The following DISC1 variants were observed in gnomAD, a reference collection of about 807,000 sequenced individuals.
DISC1 encodes the protein DISC1 scaffold protein.
A neutral mutation model predicts 84.5 loss-of-function variants in DISC1; 57 were observed. That is an observed-to-expected ratio of 0.67 (90% CI 0.55 to 0.84). The LOEUF (loss-of-function observed/expected upper bound fraction) is 0.84. DISC1 is among the 40% of genes least tolerant of loss of function. DISC1 has a pLI of 0.00. For missense variants in DISC1, 1,000 were observed against 1,057.8 expected, an observed-to-expected ratio of 0.95 and a Z score of 0.76; for synonymous variants, 411 against 415.2, an observed-to-expected ratio of 0.99 and a Z score of 0.12.
At chr1:231,656,495 G>A (rs774560689) in intron 1 of DISC1, among the ~76,000 whole-genome samples, 3 of 152,154 alleles carry the variant, frequency 2.0e-5, no homozygotes, top group Non-Finnish European at 4.4e-5. Context: ...TAGCCTTGCA[G>A]TATAATTTGG....
chr1:231,789,392 C>T (rs544651077), intron 6 of DISC1, among the ~76,000 whole-genome samples: 3 of 152,334 alleles, frequency 2.0e-5, no homozygotes, highest in Admixed American at 2.0e-4. Flanking sequence ...CATATAGGCC[C>T]TTGCAGACTT....
chr1:231,985,952 C>A (rs1664366313), intron 10 of DISC1, among the ~76,000 whole-genome samples: 1 of 152,148 alleles, frequency 6.6e-6, no homozygotes, highest in African/African-American at 2.4e-5. Flanking sequence ...AAATCTGGTG[C>A]CATCAGATCA....
intron 3 of DISC1, among the ~76,000 whole-genome samples, chr1:231,727,113 A>T (rs1396690810): frequency 1.3e-5 from 2 of 152,114 alleles, no homozygotes; most frequent in African/African-American, 2.4e-5. Context: ...TGTCTGCAAG[A>T]TGATAAAATG....
At chr1:231,783,841 A>G (rs2077619229) in intron 6 of DISC1, among the ~76,000 whole-genome samples, 1 of 152,248 alleles carries the variant, frequency 6.6e-6, no homozygotes, top group South Asian at 2.1e-4. Flanking sequence ...CCTCGATCAC[A>G]GGAAATCTTT....
chr1:231,750,059 C>G lies in DISC1; in HGVS notation c.1251C>G (p.Arg417=). ...CAGCACAAGTCCAGGCTGCCTTGCGCCGTGGGGCCACTCAGCAGTGAGTAC... is the reference window on the plus strand; with the variant it reads ...CAGCACAAGTCCAGGCTGCCTTGCGGCGTGGGGCCACTCAGCAGTGAGTAC... ...HLAAQVQAAL[R]RGATQQASGD... is the part of the protein sequence containing the mutation. The change falls in exon 4 of 13, where the codon CGC becomes CGG. Residue 417 remains arginine, a synonymous_variant. Coordinates refer to ENST00000439617, the MANE Select transcript of DISC1 (RefSeq NM_018662.3). The G allele has an allele frequency of 1.2e-6, 2 of 1,614,080 alleles. No homozygotes were observed.
chr1:231,871,269 G>C (rs201235215), intron 9 of DISC1, among the ~76,000 whole-genome samples: 3 of 152,224 alleles, frequency 2.0e-5, no homozygotes, highest in Admixed American at 2.0e-4. Flanking sequence ...TCTCCTCAGA[G>C]TGTAGGCAGG....
intron 9 of DISC1, among the ~76,000 whole-genome samples, chr1:231,944,733 A>G (rs201968425): frequency 2.6e-5 from 4 of 152,166 alleles, no homozygotes; most frequent in Non-Finnish European, 5.9e-5. Flanking sequence ...TACTGTGCAC[A>G]CTCAGAAGCC....
intron 6 of DISC1, among the ~76,000 whole-genome samples, chr1:231,773,900 T>C (rs932428389): frequency 6.6e-6 from 1 of 151,998 alleles, no homozygotes; most frequent in Non-Finnish European, 1.5e-5. Flanking sequence ...GAGGTGACTA[T>C]AGGAAAACCT....
intron 2 of DISC1, among the ~76,000 whole-genome samples, chr1:231,699,734 C>T (rs933405364): frequency 1.8e-4 from 27 of 152,324 alleles, no homozygotes; most frequent in African/African-American, 6.3e-4. Flanking sequence ...TCATGTGCTC[C>T]TCTGCCCCAA....
chr1:231,912,908 CCTTT>C lies in DISC1; in HGVS notation c.1982-45913_1982-45910del, dbSNP rs542934585. On this transcript the variant is annotated intron_variant, in intron 9 of 12. Transcript: ENST00000439617. ...TTCCACCCCCGTTTCTGTCTTTCTT[CCTTT>C]CTTTCTGTTCTTCTTTTGATAGGAT... Among the ~76,000 whole-genome samples, 225 of 149,518 alleles carry C rather than the reference CCTTT, an allele frequency of 1.5e-3. 2 individuals are homozygous for C. Among genetic ancestry groups the C allele is most frequent in the Admixed American group, 8.8e-3 (131 of 14,880 alleles).
At chr1:231,777,580 T>A (rs1573733870) in intron 6 of DISC1, among the ~76,000 whole-genome samples, 1 of 152,254 alleles carries the variant, frequency 6.6e-6, no homozygotes, top group East Asian at 1.9e-4. Context: ...AGAAAAATAT[T>A]TGCCAAGACA....
intron 1 of DISC1, among the ~76,000 whole-genome samples, chr1:231,677,204 C>T (rs1420730361): frequency 6.6e-6 from 1 of 152,110 alleles, no homozygotes; most frequent in Non-Finnish European, 1.5e-5. Context: ...TTTCTATTCG[C>T]CCATACCCAT....
intron 9 of DISC1, among the ~76,000 whole-genome samples, chr1:231,936,290 A>G (rs912141261): frequency 1.3e-5 from 2 of 151,920 alleles, no homozygotes; most frequent in African/African-American, 4.8e-5. Flanking sequence ...CATCCTGCCC[A>G]TATTCTCCCA....
intron 10 of DISC1, among the ~76,000 whole-genome samples, chr1:231,963,645 T>A (rs911046253): frequency 6.6e-6 from 1 of 152,158 alleles, no homozygotes; most frequent in Non-Finnish European, 1.5e-5. Context: ...ATTCTCACTT[T>A]CCAAGTGCTC....
chr1:231,778,237 A>T (rs2077108245), intron 6 of DISC1, among the ~76,000 whole-genome samples: 1 of 152,164 alleles, frequency 6.6e-6, no homozygotes, highest in South Asian at 2.1e-4. Flanking sequence ...ATGTGAGAGG[A>T]AGAGAAACTG....
At chr1:231,794,104 A>G (rs1293133235) in intron 6 of DISC1, among the ~76,000 whole-genome samples, 1 of 152,146 alleles carries the variant, frequency 6.6e-6, no homozygotes, top group Non-Finnish European at 1.5e-5. Flanking sequence ...TAAATAAGCA[A>G]ACATTATAGA....
intron 10 of DISC1, among the ~76,000 whole-genome samples, chr1:231,983,337 T>G (rs2102878617): frequency 6.6e-6 from 1 of 151,404 alleles, no homozygotes; most frequent in South Asian, 2.1e-4. Context: ...GGGGAAGCTG[T>G]ATGCTTGCAG....
At chr1:231,850,219 C>A (rs199801278) in intron 9 of DISC1, among the ~76,000 whole-genome samples, 30 of 152,172 alleles carry the variant, frequency 2.0e-4, no homozygotes, top group Non-Finnish European at 4.3e-4. Flanking sequence ...GATGGGGGTG[C>A]CTTCCCCTTG....
At chr1:231,813,753 G>A (rs1299018591) in intron 8 of DISC1, among the ~76,000 whole-genome samples, 1 of 152,058 alleles carries the variant, frequency 6.6e-6, no homozygotes, top group Non-Finnish European at 1.5e-5. Context: ...TCTAACCTGG[G>A]TTCCTGTTTC....
Sources: allele counts gnomAD v4.1 joint callset (sites outside exome capture counted in the v4.1 genomes callset), GRCh38; gene constraint gnomAD v4.1.1; transcripts MANE v1.5; gene names NCBI Gene and HGNC (gene_info 2026-07-23, HGNC 2026-07-21).